PAX3: variants seen among roughly 807,000 people sequenced by gnomAD.
The protein encoded by PAX3 is paired box protein Pax-3.
A neutral mutation model predicts 51.6 loss-of-function variants in PAX3; 14 were observed. That is an observed-to-expected ratio of 0.27 (90% CI 0.18 to 0.42). The LOEUF (loss-of-function observed/expected upper bound fraction) is 0.42, where lower values mean the gene tolerates loss of function less well. Ranked by LOEUF, PAX3 falls within the 10% of genes least tolerant of loss-of-function variation. The pLI is 1.00. For missense variants in PAX3, 540 were observed against 642.8 expected, an observed-to-expected ratio of 0.84 and a Z score of 1.73; for synonymous variants, 280 against 253.4, an observed-to-expected ratio of 1.11 and a Z score of -1.00.
intron 1 of PAX3, 126 bp from the exon 2 acceptor site, chr2:222,297,339 T>C: frequency 1.3e-6 from 1 of 753,866 alleles, no homozygotes. Context: ...ACGCTGAAAC[T>C]GCTCGACATC....
intron 4 of PAX3, among the ~76,000 whole-genome samples, chr2:222,255,667 G>A (rs898498380): frequency 1.3e-5 from 2 of 152,136 alleles, no homozygotes; most frequent in African/African-American, 4.8e-5. Context: ...CCTAGATTTT[G>A]AAGGAAGATG....
chr2:222,267,828 G>GA (rs1325636208), intron 4 of PAX3, among the ~76,000 whole-genome samples: 3 of 152,132 alleles, frequency 2.0e-5, no homozygotes, highest in South Asian at 2.1e-4. Context: ...TTGCTAATAT[G>GA]TTTTTTAAAA....
At chr2:222,251,596 A>T (rs959546280) in intron 4 of PAX3, among the ~76,000 whole-genome samples, 10 of 152,284 alleles carry the variant, frequency 6.6e-5, no homozygotes, top group African/African-American at 2.4e-4. Context: ...TTATAGCAGC[A>T]TGTTTTATAA....
rs570352853 is a variant in PAX3, at chr2:222,268,956, G to A, written c.586+25211C>T. On this transcript the variant is annotated intron_variant, in intron 4 of 8. Transcript: ENST00000392070. ...TTATGTATATATGTTGCATAATTATGGAGCAGTGAGTATTTATCACCTTTT... is the reference window on the plus strand; with the variant it reads ...TTATGTATATATGTTGCATAATTATAGAGCAGTGAGTATTTATCACCTTTT... Among the ~76,000 whole-genome samples the A allele has an allele frequency of 1.6e-4, 25 of 152,184 alleles. 1 individual carries two copies. The South Asian group carries it at 3.5e-3, about 21-fold the overall frequency.
At chr2:222,271,522 T>C (rs1694252689) in intron 4 of PAX3, among the ~76,000 whole-genome samples, 2 of 152,210 alleles carry the variant, frequency 1.3e-5, no homozygotes, top group South Asian at 2.1e-4. Flanking sequence ...CTTCCTAAAG[T>C]ATTTTTACAC....
chr2:222,291,969 G>GGTGTGTGTGTGTGTGT (rs3997675), intron 4 of PAX3, among the ~76,000 whole-genome samples: 13 of 133,642 alleles, frequency 9.7e-5, no homozygotes, highest in African/African-American at 2.6e-4. Context: ...CAGCCTCCAA[G>GGTGTGTGTGTGTGTGT]GTGTGTGTGT....
intron 2 of PAX3, 138 bp downstream of exon 2, chr2:222,296,840 G>C: frequency 1.4e-6 from 1 of 726,962 alleles, no homozygotes; most frequent in Non-Finnish European, 2.4e-6. Context: ...ACACACACGC[G>C]CGCCTTTACG....
chr2:222,265,083 G>A (rs539509216), intron 4 of PAX3: 2 of 152,140 alleles, frequency 1.3e-5, no homozygotes, highest in Non-Finnish European at 2.9e-5. Context: ...TGAGATTGTT[G>A]TGATCTGCTC....
At chr2:222,232,784 A>G (rs941480114) in intron 4 of PAX3, among the ~76,000 whole-genome samples, 1 of 152,186 alleles carries the variant, frequency 6.6e-6, no homozygotes, top group Non-Finnish European at 1.5e-5. Context: ...GATTTTTAAA[A>G]ATATTCCAAA....
chr2:222,284,502 AT>A (rs1694756552), intron 4 of PAX3, among the ~76,000 whole-genome samples: 2 of 152,192 alleles, frequency 1.3e-5, no homozygotes, highest in South Asian at 4.1e-4. Context: ...TTAGAATTTT[AT>A]TTTTTATACC....
rs546155550 is a variant in PAX3 at position 222,295,851 on chromosome 2, G to A, written c.322-194C>T. ...ACCAGAACACATCCCATCCCATCCC[G>A]GAGCAGCCTGGGAAGCCTCTAACTT... On this transcript the variant is annotated intron_variant, in intron 2 of 8. Transcript: ENST00000392070. Among the ~76,000 whole-genome samples, 14 of 152,270 alleles carry A rather than the reference G, an allele frequency of 9.2e-5. No homozygotes were observed. In the South Asian group the frequency reaches 2.9e-3, roughly 32 times the overall value.
intron 5 of PAX3, among the ~76,000 whole-genome samples, chr2:222,231,531 A>G (rs1237249447): frequency 6.6e-6 from 1 of 152,230 alleles, no homozygotes; most frequent in South Asian, 2.1e-4. Flanking sequence ...AAATGAAGGA[A>G]TTTCATGTTA....
intron 5 of PAX3, among the ~76,000 whole-genome samples, chr2:222,224,560 A>G (rs547230208): frequency 2.6e-5 from 4 of 152,160 alleles, no homozygotes; most frequent in African/African-American, 9.7e-5. Context: ...AAACAGACAA[A>G]TTTTCTATTT....
At chr2:222,214,939 G>C (rs933474005) in intron 7 of PAX3, 7 of 151,642 alleles carry the variant, frequency 4.6e-5, no homozygotes, top group South Asian at 2.1e-4. Flanking sequence ...TTTTGTCATT[G>C]GTTTCACTCA....
intron 5 of PAX3, among the ~76,000 whole-genome samples, chr2:222,222,830 G>A (rs923764931): frequency 6.6e-6 from 1 of 152,156 alleles, no homozygotes; most frequent in African/African-American, 2.4e-5. Flanking sequence ...ATAATTGCTC[G>A]CTAGAGGTAG....
chr2:222,277,383 A>C (rs565539350), intron 4 of PAX3, among the ~76,000 whole-genome samples: 1 of 152,192 alleles, frequency 6.6e-6, no homozygotes, highest in Non-Finnish European at 1.5e-5. Flanking sequence ...AGATTCCCAT[A>C]GGTTCATTAG....
intron 4 of PAX3, chr2:222,293,646 A>G: frequency 1.2e-6 from 2 of 1,614,022 alleles, no homozygotes; most frequent in South Asian, 1.1e-5. Context: ...CAACACACAG[A>G]CATATTTATA....
chr2:222,293,719 T>C, intron 4 of PAX3: 2 of 1,614,108 alleles, frequency 1.2e-6, no homozygotes, highest in Non-Finnish European at 8.5e-7. Flanking sequence ...TCTCTCTCTC[T>C]CCTTTAATGC....
At chr2:222,270,988 T>G (rs1031815915) in intron 4 of PAX3, among the ~76,000 whole-genome samples, 1 of 152,208 alleles carries the variant, frequency 6.6e-6, no homozygotes, top group Admixed American at 6.5e-5. Context: ...CTACCAAACC[T>G]TGTTTCAATG....
Sources: gnomAD v4.1 joint callset for allele counts (sites outside exome capture counted in the v4.1 genomes callset) on GRCh38, gnomAD v4.1.1 for gene constraint, MANE v1.5 for transcripts, NCBI Gene and HGNC (gene_info 2026-07-23, HGNC 2026-07-21) for gene names.